The following SLC24A4 variants were observed in gnomAD, a reference collection of about 807,000 sequenced individuals.
The protein encoded by SLC24A4 is solute carrier family 24 member 4, also known as sodium/potassium/calcium exchanger 4.
SLC24A4 carries 53 observed loss-of-function variants against 79.0 expected under a neutral mutation model. The observed-to-expected ratio is 0.67, with a 90% CI of 0.54 to 0.84. SLC24A4 has a LOEUF of 0.84. Among genes scored for constraint, SLC24A4 ranks in the 40% least tolerant of loss-of-function variants. SLC24A4 has a pLI of 0.00. For synonymous variants in SLC24A4, 323 were observed against 323.8 expected, an observed-to-expected ratio of 1.00 and a Z score of 0.03; for missense variants, 731 against 822.0, an observed-to-expected ratio of 0.89 and a Z score of 1.35.
At chr14:92,478,824 G>C (rs1050437534) in intron 12 of SLC24A4, among the ~76,000 whole-genome samples, 1 of 152,082 alleles carries the variant, frequency 6.6e-6, no homozygotes, top group African/African-American at 2.4e-5. Flanking sequence ...TAAGCCTTCC[G>C]ATTCATAAAC....
chr14:92,343,206 T>G (rs928924442), intron 2 of SLC24A4, among the ~76,000 whole-genome samples: 1 of 152,218 alleles, frequency 6.6e-6, no homozygotes, highest in Non-Finnish European at 1.5e-5. Context: ...GCAGACCCAA[T>G]TCCCCATTGT....
intron 2 of SLC24A4, among the ~76,000 whole-genome samples, chr14:92,328,574 A>C (rs1352791180): frequency 6.6e-6 from 1 of 152,250 alleles, no homozygotes; most frequent in Non-Finnish European, 1.5e-5. Context: ...GTGTGAGATC[A>C]AAGGTTACGA....
At chr14:92,329,968 A>G (rs1399940597) in intron 2 of SLC24A4, among the ~76,000 whole-genome samples, 1 of 152,216 alleles carries the variant, frequency 6.6e-6, no homozygotes, top group South Asian at 2.1e-4. Context: ...GAATCTTTTG[A>G]AATGCCCAGG....
At chr14:92,466,467 A>G (rs1253793102) in intron 12 of SLC24A4, among the ~76,000 whole-genome samples, 1 of 152,188 alleles carries the variant, frequency 6.6e-6, no homozygotes, top group Non-Finnish European at 1.5e-5. Context: ...TTGAACCTGG[A>G]TACCTAGCTT....
intron 14 of SLC24A4, among the ~76,000 whole-genome samples, 183 bp downstream of exon 14, chr14:92,486,963 T>C (rs531865195): frequency 6.6e-6 from 1 of 152,316 alleles, no homozygotes; most frequent in East Asian, 1.9e-4. Context: ...GAGAGAATGC[T>C]ACCAAGATGA....
upstream of SLC24A4, chr14:92,322,692 T>C (rs1884860683): frequency 6.6e-6 from 1 of 152,594 alleles, no homozygotes; most frequent in Non-Finnish European, 1.5e-5. Context: ...AAGGAGCTGG[T>C]CCCAGCGGGT....
At chr14:92,393,281 C>A (rs1279285616) in intron 2 of SLC24A4, among the ~76,000 whole-genome samples, 1 of 152,226 alleles carries the variant, frequency 6.6e-6, no homozygotes. Flanking sequence ...AATCACAAAA[C>A]GGTCAGGTTG....
chr14:92,342,387 T>A (rs1302801427), intron 2 of SLC24A4, among the ~76,000 whole-genome samples: 130 of 144,950 alleles, frequency 9.0e-4, no homozygotes, highest in African/African-American at 3.1e-3. Context: ...TTTATTTATT[T>A]ATTTATTTAT....
intron 12 of SLC24A4, among the ~76,000 whole-genome samples, chr14:92,480,372 C>T (rs558483623): frequency 2.3e-5 from 3 of 127,962 alleles, no homozygotes; most frequent in South Asian, 2.9e-4. Flanking sequence ...CAGCTCACTG[C>T]AAGCTCCACT....
intron 2 of SLC24A4, among the ~76,000 whole-genome samples, chr14:92,357,623 T>C (rs940072494): frequency 2.0e-5 from 3 of 152,192 alleles, no homozygotes; most frequent in African/African-American, 7.2e-5. Flanking sequence ...ACTCCACTGA[T>C]ATGAGGTACC....
chr14:92,390,379 C>G (rs896743262), intron 2 of SLC24A4, among the ~76,000 whole-genome samples: 1 of 152,130 alleles, frequency 6.6e-6, no homozygotes, highest in Non-Finnish European at 1.5e-5. Context: ...TTTCATCAGC[C>G]TGTCAGCCCT....
At chr14:92,429,247 A>G (rs1275146191) in intron 2 of SLC24A4, among the ~76,000 whole-genome samples, 2 of 152,134 alleles carry the variant, frequency 1.3e-5, no homozygotes, top group Admixed American at 6.5e-5. Context: ...AGGCAGCACA[A>G]GGGAATTTTA....
At chr14:92,491,168 G>C (rs1161672032) in intron 14 of SLC24A4, among the ~76,000 whole-genome samples, 1 of 152,132 alleles carries the variant, frequency 6.6e-6, no homozygotes, top group Non-Finnish European at 1.5e-5. Context: ...TGTAAATAAT[G>C]AGTATATTTA....
rs371009680 is a variant in SLC24A4, at chr14:92,396,689, A to G, written c.242-37223A>G. 4.6e-5 allele frequency among the ~76,000 whole-genome samples: 7 copies of G among 152,206 alleles called. No homozygotes were observed. The East Asian group carries it at 9.6e-4, about 21-fold the overall frequency. Reference sequence around the variant, plus strand: ...GTAGCCCTATTATCTGGGATTGGGTAGGTTTGATGCCCAGCGTGCCCAATT... The same window carrying G: ...GTAGCCCTATTATCTGGGATTGGGTGGGTTTGATGCCCAGCGTGCCCAATT... On this transcript the variant is annotated intron_variant, in intron 2 of 16. Transcript: ENST00000532405.
At chr14:92,373,455 C>A (rs1276739686) in intron 2 of SLC24A4, among the ~76,000 whole-genome samples, 1 of 152,190 alleles carries the variant, frequency 6.6e-6, no homozygotes, top group Non-Finnish European at 1.5e-5. Context: ...CAGGGTCCAG[C>A]CAGTGTCTGA....
chr14:92,346,355 C>T (rs1886527224), intron 2 of SLC24A4, among the ~76,000 whole-genome samples: 1 of 152,164 alleles, frequency 6.6e-6, no homozygotes. Context: ...GTGCTCTTCC[C>T]TACCTCTCAG....
At chr14:92,449,968 G>A (rs928534826) in intron 10 of SLC24A4, among the ~76,000 whole-genome samples, 1 of 152,234 alleles carries the variant, frequency 6.6e-6, no homozygotes, top group Non-Finnish European at 1.5e-5. Context: ...ATGACCAGGC[G>A]GCTCCCTTTG....
intron 2 of SLC24A4, among the ~76,000 whole-genome samples, chr14:92,343,653 TTTCCTTCCTTCCTTCCTTCCTTCCTTCC>T (rs34220155): frequency 2.0e-4 from 7 of 34,256 alleles, no homozygotes; most frequent in African/African-American, 4.3e-4. Flanking sequence ...TCTTTCCTTC[TTTCCTTCCTTCCTTCCTTCCTTCCTTCC>T]TTCCTTCCTT....
chr14:92,349,145 T>C (rs1262166589), intron 2 of SLC24A4, among the ~76,000 whole-genome samples: 1 of 151,076 alleles, frequency 6.6e-6, no homozygotes, highest in Non-Finnish European at 1.5e-5. Flanking sequence ...ATGTCTTCAA[T>C]AATAAAAGTG....
Sources: allele counts gnomAD v4.1 joint callset (sites outside exome capture counted in the v4.1 genomes callset), GRCh38; gene constraint gnomAD v4.1.1; transcripts MANE v1.5; gene names NCBI Gene and HGNC (gene_info 2026-07-23, HGNC 2026-07-21).